The following EPS8L2 variants were observed in gnomAD, a reference collection of about 807,000 sequenced individuals.
EPS8L2 encodes the protein epidermal growth factor receptor kinase substrate 8-like protein 2.
A neutral mutation model predicts 99.4 loss-of-function variants in EPS8L2; 81 were observed. The ratio of observed to expected loss-of-function variants is 0.82; its 90% CI spans 0.68 to 0.98. EPS8L2 has a LOEUF of 0.98. EPS8L2 is among the 50% of genes least tolerant of loss of function. EPS8L2 has a pLI of 0.00. For synonymous variants in EPS8L2, 509 were observed against 407.3 expected (o/e 1.25, Z -3.01); for missense variants, 1,155 against 968.8 (o/e 1.19, Z -2.55).
In EPS8L2 at chr11:710,477, C is replaced by T. The variant is rs777583989; in HGVS notation, c.156C>T (p.Tyr52=). ...SNVIMHETSQ[Y]HVQHLATFIM... ...TCATCATGCACGAGACCTCGCAGTA[C>T]CACGTCCAGGTAAGGCCCCGCCCCC... The change falls in exon 4 of 21, where the codon TAC becomes TAT. Residue 52 remains tyrosine (Y), a synonymous_variant. Coordinates refer to ENST00000318562, the MANE Select transcript of EPS8L2 (RefSeq NM_022772.4). The T allele has an allele frequency of 6.2e-7, 1 of 1,613,568 alleles. No individual in the cohort carries two copies. The highest frequency in any genetic ancestry group is 8.5e-7 in the Non-Finnish European group (1 of 1,179,922).
rs1862235483 is a variant in EPS8L2, at chr11:723,165, C to T, written c.1342-76C>T. 3 of 735,386 alleles carry T rather than the reference C, an allele frequency of 4.1e-6. No homozygotes were observed. The South Asian group carries it at 4.9e-5, about 12-fold the overall frequency. 45.6% of individuals were successfully genotyped at this position (735,386 alleles called of 1,614,324 possible). On this transcript the variant is annotated intron_variant, in intron 14 of 20. Coordinates refer to ENST00000318562, the MANE Select transcript of EPS8L2 (RefSeq NM_022772.4). ...CATCAGTCACAGGACATTAGCCCAG[C>T]CCCTGTCATATGCCCCCTCGTCCTG...
intron 14 of EPS8L2, 72 bp downstream of exon 14, chr11:722,877 C>A: frequency 1.9e-6 from 2 of 1,035,436 alleles, no homozygotes; most frequent in Non-Finnish European, 2.7e-6. Context: ...CCCCCCCAGC[C>A]CTGACACCCA....
chr11:726,379 G>A lies in EPS8L2; in HGVS notation c.1829G>A (p.Arg610Lys). 1 of 1,610,504 alleles carries A rather than the reference G, an allele frequency of 6.2e-7. No individual in the cohort carries two copies. The change falls in exon 19 of 21, where the codon AGG becomes AAG. Residue 610 changes from arginine to lysine, a missense_variant. Coordinates refer to ENST00000318562, the MANE Select transcript of EPS8L2 (RefSeq NM_022772.4). The part of the protein sequence containing the change: ...KISNIRAQPQ[R>K]HFRVERSQPV... ...AGCAACATCAGGGCGCAGCCACAGAGGCACTTCCGCGTGGAGCGCAGCCAG... is the reference window on the plus strand; with the variant it reads ...AGCAACATCAGGGCGCAGCCACAGAAGCACTTCCGCGTGGAGCGCAGCCAG...
At chr11:709,121 C>T in intron 1 of EPS8L2, 1 of 569,562 alleles carries the variant, frequency 1.8e-6, no homozygotes, top group Non-Finnish European at 3.1e-6. Flanking sequence ...TGTGGAGCAC[C>T]TAGGGTCTGA....
At position 720,610 on chromosome 11, in the gene EPS8L2, A is replaced by C; in HGVS notation, c.341A>C (p.Asp114Ala). The change falls in exon 6 of 21, where the codon GAC becomes GCC. Residue 114 changes from aspartate (D) to alanine (A), a missense_variant. Physicochemically the swap from Asp to Ala is moderately radical, Grantham distance 126. Transcript: ENST00000318562. ...LDIESQEELEDFPLPTVQRSQ... is the reference protein window; with the variant it reads ...LDIESQEELEAFPLPTVQRSQ... ...ATGTACCCGCAGGAGGAGCTGGAAG[A>C]CTTCCCGCTGCCCACGGTGCAGCGC... 6.2e-7 allele frequency: 1 copy of C among 1,600,064 alleles called. No individual in the cohort carries two copies. The highest frequency in any genetic ancestry group is 1.1e-5 in the South Asian group (1 of 88,592).
intron 3 of EPS8L2, 38 bp from the exon 4 acceptor site, chr11:710,384 C>T: frequency 6.2e-7 from 1 of 1,606,022 alleles, no homozygotes; most frequent in Non-Finnish European, 8.5e-7. Flanking sequence ...GCTGTGGGTC[C>T]TGCCCGTCGG....
In EPS8L2 at chr11:725,594, G is replaced by C. The variant is rs372221485; in HGVS notation, c.1561-134G>C. On this transcript the variant is annotated intron_variant, in intron 16 of 20. Coordinates refer to ENST00000318562, the MANE Select transcript of EPS8L2 (RefSeq NM_022772.4). ...GAGGGATGGAGGGGTGGAAACAGGG[G>C]TGCGGAGAGAATGGAGCGAAGCGGG... 39 of 815,720 alleles carry C rather than the reference G, an allele frequency of 4.8e-5. No individual in the cohort carries two copies. In the African/African-American group the frequency reaches 6.0e-4, roughly 13 times the overall value. The allele number at this position is 815,720 out of a possible 1,614,324, so 50.5% of individuals were successfully genotyped here.
chr11:722,930 C>T (rs1862227623), intron 14 of EPS8L2, 125 bp downstream of exon 14: 1 of 561,372 alleles, frequency 1.8e-6, no homozygotes, highest in Non-Finnish European at 3.1e-6. Flanking sequence ...ACCCACCCCT[C>T]CCCAGTGCTC....
intron 1 of EPS8L2, among the ~76,000 whole-genome samples, chr11:707,033 C>G (rs1861742620): frequency 6.6e-6 from 1 of 151,942 alleles, no homozygotes; most frequent in Non-Finnish European, 1.5e-5. Flanking sequence ...CCGGGCATGC[C>G]CGGACCTCTG....
intron 4 of EPS8L2, among the ~76,000 whole-genome samples, chr11:716,653 T>C (rs1231271000): frequency 1.3e-5 from 2 of 152,248 alleles, no homozygotes; most frequent in Non-Finnish European, 2.9e-5. Context: ...CCACAAATTG[T>C]GATATGTATG....
At chr11:722,255 GC>G in intron 12 of EPS8L2, 90 bp downstream of exon 12, 1 of 1,544,682 alleles carries the variant, frequency 6.5e-7, no homozygotes, top group South Asian at 1.1e-5. Flanking sequence ...GGCAGCAGGT[GC>G]CCGCCTTGGG....
chr11:726,697 CG>C lies in EPS8L2; in HGVS notation c.2014del (p.Glu672ArgfsTer30). On this transcript the variant is annotated frameshift_variant, in exon 20 of 21. Transcript: ENST00000318562. LOFTEE classifies it high-confidence loss of function. ...NKEELKKVCG[E>X]EGVRVYSQLT... Reference sequence around the variant, plus strand: ...AGGAGGAGCTGAAGAAAGTGTGCGGCGAGGAGGGCGTCCGCGTGTACAGCCA... The same window carrying C: ...AGGAGGAGCTGAAGAAAGTGTGCGGCAGGAGGGCGTCCGCGTGTACAGCCA... 1 of 1,587,622 alleles carries C rather than the reference CG, an allele frequency of 6.3e-7. No homozygotes were observed. The highest frequency in any genetic ancestry group is 8.6e-7 in the Non-Finnish European group (1 of 1,168,594).
At chr11:714,994 G>T (rs935106539) in intron 4 of EPS8L2, among the ~76,000 whole-genome samples, 10 of 152,170 alleles carry the variant, frequency 6.6e-5, no homozygotes, top group Non-Finnish European at 1.3e-4. Flanking sequence ...TGTAATCCCA[G>T]CACTTTGGGA....
At chr11:720,970 G>GGGGAGGAGCCGGCAGGGGAA in intron 7 of EPS8L2, 61 bp downstream of exon 7, 1 of 1,295,154 alleles carries the variant, frequency 7.7e-7, no homozygotes, top group Admixed American at 2.3e-5. Flanking sequence ...CGGCAGGGGA[G>GGGGAGGAGCCGGCAGGGGAA]GGGAGGAGCC....
At chr11:720,977 A>AGCCCGGCAGGGGAGGGGAGGAG in intron 7 of EPS8L2, 68 bp downstream of exon 7, 1 of 1,033,628 alleles carries the variant, frequency 9.7e-7, no homozygotes. Context: ...GGAGGGGAGG[A>AGCCCGGCAGGGGAGGGGAGGAG]GCCGGCAGGG....
chr11:721,519 C>A (rs376247113), intron 9 of EPS8L2, 46 bp from the exon 10 acceptor site: 39 of 1,521,340 alleles, frequency 2.6e-5, no homozygotes, highest in Non-Finnish European at 3.3e-5. Context: ...CAAGGCGGGG[C>A]GGTGGGGAGT....
In EPS8L2 at chr11:726,712, C is replaced by A. The variant is rs764028709; in HGVS notation, c.2028C>A (p.Arg676=). The A allele has an allele frequency of 6.3e-6, 10 of 1,593,168 alleles. No individual in the cohort carries two copies. Among genetic ancestry groups the A allele is most frequent in the Non-Finnish European group, 8.5e-6 (10 of 1,171,606 alleles). The part of the protein sequence containing the change: ...LKKVCGEEGV[R]VYSQLTMQKA... ...AAGTGTGCGGCGAGGAGGGCGTCCGCGTGTACAGCCAGCTCACCATGCAGA... is the reference window on the plus strand; with the variant it reads ...AAGTGTGCGGCGAGGAGGGCGTCCGAGTGTACAGCCAGCTCACCATGCAGA... The change falls in exon 20 of 21, where the codon CGC becomes CGA. Residue 676 remains arginine, a synonymous_variant. Coordinates refer to ENST00000318562, the MANE Select transcript of EPS8L2 (RefSeq NM_022772.4).
In EPS8L2 at chr11:727,014, G is replaced by T. The variant is rs1862350060; in HGVS notation, c.*33G>T. 2.1e-6 allele frequency: 3 copies of T among 1,455,272 alleles called. No individual in the cohort carries two copies. Among genetic ancestry groups the T allele is most frequent in the Non-Finnish European group, 2.9e-6 (3 of 1,040,772 alleles). The allele number at this position is 1,455,272 out of a possible 1,614,324, so 90.1% of individuals were successfully genotyped here. ...TGCCTTGGGCTGGGGCCTGCGGAGG[G>T]GAAGCCCACCCACAATGCATGGAGT... is the stretch of plus-strand genomic sequence containing the variant. On this transcript the variant is annotated 3_prime_UTR_variant, in exon 21 of 21. Transcript: ENST00000318562.
intron 4 of EPS8L2, among the ~76,000 whole-genome samples, chr11:715,197 G>C (rs984500195): frequency 6.6e-6 from 1 of 151,650 alleles, no homozygotes; most frequent in Non-Finnish European, 1.5e-5. Flanking sequence ...AGCTGAGATT[G>C]CGCCACTGCA....
Sources: gnomAD v4.1 joint callset for allele counts (sites outside exome capture counted in the v4.1 genomes callset) on GRCh38, gnomAD v4.1.1 for gene constraint, MANE v1.5 for transcripts, NCBI Gene and HGNC (gene_info 2026-07-23, HGNC 2026-07-21) for gene names.